The following ACSM2A variants were observed in gnomAD, a reference collection of about 807,000 sequenced individuals.
ACSM2A encodes acyl-CoA synthetase medium chain family member 2A, also known as acyl-coenzyme A synthetase ACSM2A, mitochondrial.
ACSM2A carries 72 observed loss-of-function variants against 76.6 expected under a neutral mutation model. The ratio of observed to expected loss-of-function variants is 0.94; its 90% confidence interval spans 0.78 to 1.14. The LOEUF (loss-of-function observed/expected upper bound fraction) is 1.14, where lower values mean the gene tolerates loss of function less well. Ranked by LOEUF, ACSM2A falls within the 50% of genes most tolerant of loss-of-function variation. The pLI is 0.00. For missense variants in ACSM2A, 684 were observed against 708.5 expected (o/e 0.97, Z 0.39); for synonymous variants, 249 against 255.9 (o/e 0.97, Z 0.26).
At chr16:20,465,470 G>T in intron 2 of ACSM2A, 47 bp from the exon 3 acceptor site, 2 of 1,603,124 alleles carry the variant, frequency 1.2e-6, no homozygotes, top group Non-Finnish European at 1.7e-6. Context: ...TATCCTACCT[G>T]CTTGTGTACC....
At position 20,465,654 on chromosome 16, in the gene ACSM2A, T is replaced by A; in HGVS notation, c.315T>A (p.Arg105=). 1.9e-6 allele frequency: 3 copies of A among 1,613,962 alleles called. No homozygotes were observed. Among genetic ancestry groups the A allele is most frequent in the Non-Finnish European group, 2.5e-6 (3 of 1,179,868 alleles). ...TCTCGGGAGCCTGTGGCCTGCAGCG[T>A]GGGGATCGTGTGGCAGTGGTGCTGC... ...NVLSGACGLQ[R]GDRVAVVLPR... is the part of the protein sequence containing the mutation. The change falls in exon 3 of 14, where the codon CGT becomes CGA. Residue 105 remains arginine (R), a synonymous_variant. Coordinates refer to ENST00000573854, the MANE Select transcript of ACSM2A (RefSeq NM_001308172.2).
At chr16:20,462,876 GTTCACAGTAGCTTTA>G (rs1184142375) in intron 2 of ACSM2A, among the ~76,000 whole-genome samples, 1 of 151,996 alleles carries the variant, frequency 6.6e-6, no homozygotes, top group Non-Finnish European at 1.5e-5. Flanking sequence ...GTACACTCAT[GTTCACAGTAGCTTTA>G]TTCACAGTAG....
At chr16:20,453,448 T>A (rs893915103) in intron 1 of ACSM2A, 8 of 151,052 alleles carry the variant, frequency 5.3e-5, no homozygotes, top group African/African-American at 1.7e-4. Context: ...TAGTTTCTTA[T>A]GCCTATCTTT....
rs948894324 is a variant in ACSM2A at position 20,486,778 on chromosome 16, G to T, written c.*100G>T. The stretch of plus-strand genomic sequence containing the variant: ...TGATTATATGAGATTCTTTATGGAA[G>T]AACATGAATATAAGTTTTGTCTTGC... On this transcript the variant is annotated 3_prime_UTR_variant, in exon 14 of 14. Transcript: ENST00000573854. 5.0e-6 allele frequency: 7 copies of T among 1,389,596 alleles called. No individual in the cohort carries two copies. In the African/African-American group the frequency reaches 7.2e-5, roughly 14 times the overall value. The allele number at this position is 1,389,596 out of a possible 1,614,324, so 86.1% of individuals were successfully genotyped here. A position where few individuals can be genotyped will look rare whatever the true frequency, so the allele number is the denominator to read the frequency against.
intron 10 of ACSM2A, among the ~76,000 whole-genome samples, chr16:20,479,082 C>A (rs886793498): frequency 1.3e-5 from 2 of 152,086 alleles, no homozygotes; most frequent in Non-Finnish European, 2.9e-5. Context: ...TAAGACTTCA[C>A]CATCTAGTTG....
rs2152124534 is a variant in ACSM2A at position 20,487,025 on chromosome 16, G to C, written c.*347G>C. ...AAGAAAGGAAAGAGGAGATGAAAGG[G>C]GGAGAAAAGATAGAAGAAAAATAAT... On this transcript the variant is annotated 3_prime_UTR_variant, in exon 14 of 14. Transcript: ENST00000573854. The C allele has an allele frequency of 5.5e-6, 1 of 181,596 alleles. No homozygotes were observed. Among genetic ancestry groups the C allele is most frequent in the African/African-American group, 2.4e-5 (1 of 42,216 alleles). The allele number at this position is 181,596 out of a possible 1,614,324, so 11.2% of individuals were successfully genotyped here. A position where few individuals can be genotyped will look rare whatever the true frequency, so the allele number is the denominator to read the frequency against.
At chr16:20,485,440 A>G (rs2014330990) in intron 13 of ACSM2A, among the ~76,000 whole-genome samples, 2 of 152,170 alleles carry the variant, frequency 1.3e-5, no homozygotes, top group Non-Finnish European at 2.9e-5. Flanking sequence ...TTAGCATTAA[A>G]TCTGGATACC....
intron 6 of ACSM2A, among the ~76,000 whole-genome samples, chr16:20,474,595 T>A (rs2013615078): frequency 6.6e-6 from 1 of 152,158 alleles, no homozygotes; most frequent in Non-Finnish European, 1.5e-5. Context: ...GAAAACAGAT[T>A]AAGACAATAC....
chr16:20,461,411 C>G (rs545937743), intron 2 of ACSM2A, among the ~76,000 whole-genome samples: 91 of 152,140 alleles, frequency 6.0e-4, no homozygotes, highest in African/African-American at 2.0e-3. Flanking sequence ...TTTAAATATT[C>G]AGGAAGGCCC....
intron 3 of ACSM2A, among the ~76,000 whole-genome samples, chr16:20,468,790 T>C (rs2013179600): frequency 6.6e-6 from 1 of 152,246 alleles, no homozygotes; most frequent in African/African-American, 2.4e-5. Context: ...GGAATAAGTC[T>C]AATGTTTTAA....
chr16:20,459,485 C>A (rs1396206112), intron 1 of ACSM2A, among the ~76,000 whole-genome samples: 1 of 152,170 alleles, frequency 6.6e-6, no homozygotes, highest in Non-Finnish European at 1.5e-5. Flanking sequence ...CCCTATGGGT[C>A]TGTGTGTTGC....
intron 11 of ACSM2A, 43 bp from the exon 12 acceptor site, chr16:20,480,779 G>A (rs1225456362): frequency 1.2e-6 from 2 of 1,613,722 alleles, no homozygotes; most frequent in Admixed American, 1.7e-5. Context: ...ATGGCCTAGA[G>A]GTTCGGTGTC....
intron 9 of ACSM2A, 116 bp downstream of exon 9, chr16:20,477,565 C>T (rs998351765): frequency 3.5e-5 from 49 of 1,392,692 alleles, no homozygotes; most frequent in Middle Eastern, 1.9e-4. Flanking sequence ...ATTAAGATAA[C>T]ATAAGAAAAA....
chr16:20,467,695 T>A (rs1195154746), intron 3 of ACSM2A, among the ~76,000 whole-genome samples: 2 of 152,086 alleles, frequency 1.3e-5, no homozygotes, highest in Non-Finnish European at 2.9e-5. Flanking sequence ...GAGGTATTAG[T>A]GTGTTAGGAA....
intron 13 of ACSM2A, among the ~76,000 whole-genome samples, chr16:20,483,900 G>A (rs2014255900): frequency 1.3e-5 from 2 of 152,120 alleles, no homozygotes; most frequent in South Asian, 4.2e-4. Context: ...CCTAGGATGT[G>A]GTCAGGTGTC....
intron 9 of ACSM2A, among the ~76,000 whole-genome samples, chr16:20,477,662 G>T (rs992615542): frequency 1.3e-5 from 2 of 152,260 alleles, no homozygotes; most frequent in African/African-American, 4.8e-5. Context: ...CATCCAGAAG[G>T]ACCCACTTTG....
rs1349662791 is a variant in ACSM2A at position 20,465,579 on chromosome 16, G to T, written c.240G>T (p.Met80Ile). ...WWVNGKGKEL[M>I]WNFRELSENS... is the part of the protein sequence containing the mutation. ...TGAATGGGAAGGGGAAGGAATTAAT[G>T]TGGAATTTCAGAGAACTGAGTGAAA... The change falls in exon 3 of 14, where the codon ATG (methionine) becomes ATT (isoleucine). Residue 80 changes from methionine to isoleucine, a missense_variant. Physicochemically the swap from Met to Ile is conservative, Grantham distance 10. Around this residue, in one of 3 missense-constraint regions of ACSM2A, gnomAD observed 519 missense variants for 549.5 expected, o/e 0.94. Coordinates refer to ENST00000573854, the MANE Select transcript of ACSM2A (RefSeq NM_001308172.2). 2 of 1,613,968 alleles carry T rather than the reference G, an allele frequency of 1.2e-6. No homozygotes were observed. Among genetic ancestry groups the T allele is most frequent in the Middle Eastern group, 1.7e-4 (1 of 6,056 alleles).
At position 20,478,644 on chromosome 16, in the gene ACSM2A, C is replaced by T. The variant is rs773386769; in HGVS notation, c.1248C>T (p.Pro416=). Residue 416 remains proline, a synonymous_variant, in exon 10 of 14, where the codon CCC becomes CCT. Transcript: ENST00000573854. ...GAGACATTGGCATCAGGGTCAAACC[C>T]ATCAGGCCTATAGGCATCTTCTCTG... ...TEGDIGIRVK[P]IRPIGIFSGY... is the part of the protein sequence containing the mutation. 9 of 1,613,724 alleles carry T rather than the reference C, an allele frequency of 5.6e-6. No individual in the cohort carries two copies. In the Admixed American group the frequency reaches 8.3e-5, roughly 15 times the overall value.
intron 6 of ACSM2A, among the ~76,000 whole-genome samples, chr16:20,475,061 G>C (rs1197487475): frequency 6.6e-6 from 1 of 152,150 alleles, no homozygotes; most frequent in African/African-American, 2.4e-5. Context: ...ACTCCTAGGG[G>C]TGTGTTAACG....
Sources: gnomAD v4.1 joint callset for allele counts (sites outside exome capture counted in the v4.1 genomes callset) on GRCh38, gnomAD v4.1.1 for gene constraint, gnomAD v4.1.1 regional missense constraint, MANE v1.5 for transcripts, NCBI Gene and HGNC (gene_info 2026-07-23, HGNC 2026-07-21) for gene names.